ANP32A: variants seen among roughly 807,000 people sequenced by gnomAD.
ANP32A encodes acidic leucine-rich nuclear phosphoprotein 32 family member A.
In ANP32A, 1 loss-of-function variant was observed where a neutral mutation model predicts 33.9. That is an observed-to-expected ratio of 0.03 (90% CI 0.01 to 0.14). The LOEUF (loss-of-function observed/expected upper bound fraction) is 0.14, where lower values mean the gene tolerates loss of function less well. ANP32A is among the 10% of genes least tolerant of loss of function. ANP32A has a pLI of 1.00. For missense variants in ANP32A, 155 were observed against 306.0 expected, an observed-to-expected ratio of 0.51 and a Z score of 3.68; for synonymous variants, 115 against 120.5, an observed-to-expected ratio of 0.95 and a Z score of 0.30.
At position 68,778,687 on chromosome 15, in the gene ANP32A, G is replaced by GT. The variant is rs1893824066; in HGVS notation, c.*1393dup. On this transcript the variant is annotated 3_prime_UTR_variant, in exon 7 of 7. Transcript: ENST00000465139. Reference sequence around the variant, plus strand: ...GGGTACTTGTTTTTTTAGTAACTCTGTAACTTTTTTAAAGGAAGCTTTTAA... The same window carrying GT: ...GGGTACTTGTTTTTTTAGTAACTCTGTTAACTTTTTTAAAGGAAGCTTTTAA... 2 of 152,074 alleles carry GT rather than the reference G, an allele frequency of 1.3e-5. No homozygotes were observed. The highest frequency in any genetic ancestry group is 4.8e-5 in the African/African-American group (2 of 41,418). The allele number at this position is 152,074 out of a possible 1,614,324, so 9.4% of individuals were successfully genotyped here.
Position 68,782,946 on chromosome 15 carries a change from G to A in ANP32A, c.624+10C>T. On this transcript the variant is annotated intron_variant, in intron 5 of 6. Transcript: ENST00000465139. ...GCAGACGGTGGCCCTGCCCAGCCCA[G>A]CCTCCTTACCTCCTCCTCTCCACTC... is the stretch of plus-strand genomic sequence containing the variant. The A allele has an allele frequency of 2.6e-6, 4 of 1,551,592 alleles. No individual in the cohort carries two copies. The highest frequency in any genetic ancestry group is 2.4e-5 in the South Asian group (2 of 84,030).
intron 1 of ANP32A, among the ~76,000 whole-genome samples, chr15:68,810,375 C>T (rs1894295829): frequency 6.6e-6 from 1 of 152,094 alleles, no homozygotes; most frequent in South Asian, 2.1e-4. Context: ...TTTAAACAGA[C>T]AAGACTTGTG....
At chr15:68,799,164 A>T (rs1354035566) in intron 1 of ANP32A, among the ~76,000 whole-genome samples, 1 of 152,250 alleles carries the variant, frequency 6.6e-6, no homozygotes, top group Non-Finnish European at 1.5e-5. Flanking sequence ...AAATGCTAGC[A>T]GTATATGTTA....
chr15:68,803,798 CTTTTTTT>C (rs3985625), intron 1 of ANP32A, among the ~76,000 whole-genome samples: 2 of 101,156 alleles, frequency 2.0e-5, no homozygotes, highest in African/African-American at 3.8e-5. Flanking sequence ...ATTTCACAAA[CTTTTTTT>C]TTTTTTTTTT....
intron 1 of ANP32A, among the ~76,000 whole-genome samples, chr15:68,809,040 A>G (rs1403283756): frequency 6.6e-6 from 1 of 152,162 alleles, no homozygotes; most frequent in East Asian, 1.9e-4. Context: ...GGCTGATGGA[A>G]TCCTTATCGT....
chr15:68,820,597 C>A, intron 1 of ANP32A, 101 bp downstream of exon 1: 1 of 311,962 alleles, frequency 3.2e-6, no homozygotes, highest in Non-Finnish European at 5.5e-6. Flanking sequence ...ACCTCCCGGG[C>A]GCCCCCCCCC....
chr15:68,820,831 T>C lies in ANP32A; in HGVS notation c.-80A>G, dbSNP rs1894465499. On this transcript the variant is annotated 5_prime_UTR_variant, in exon 1 of 7. Coordinates refer to ENST00000465139, the MANE Select transcript of ANP32A (RefSeq NM_006305.4). ...ACCCCGAACCCACGGCCGCGCGTTTTAGGACTTTGAAGGCTCAACCAGCTC... is the reference window on the plus strand; with the variant it reads ...ACCCCGAACCCACGGCCGCGCGTTTCAGGACTTTGAAGGCTCAACCAGCTC... 2.5e-6 allele frequency: 4 copies of C among 1,570,840 alleles called. No homozygotes were observed. Among genetic ancestry groups the C allele is most frequent in the South Asian group, 2.2e-5 (2 of 89,668 alleles).
intron 2 of ANP32A, 35 bp downstream of exon 2, chr15:68,787,735 C>A: frequency 1.2e-6 from 2 of 1,605,848 alleles, no homozygotes; most frequent in South Asian, 1.1e-5. Context: ...TCCCCACCCC[C>A]GCCTCCCAGC....
In ANP32A at chr15:68,784,593, T is replaced by C. The variant is rs1299669396; in HGVS notation, c.330A>G (p.Lys110=). The C allele has an allele frequency of 3.7e-6, 6 of 1,614,116 alleles. No individual in the cohort carries two copies. The highest frequency in any genetic ancestry group is 5.1e-6 in the Non-Finnish European group (6 of 1,180,020). Residue 110 remains lysine (K), a splice_region_variant and synonymous_variant, in exon 4 of 7, where the codon AAA becomes AAG. Coordinates refer to ENST00000465139, the MANE Select transcript of ANP32A (RefSeq NM_006305.4). Reference sequence around the variant, plus strand: ...CTAAGCTCTTGAGGTTTTCTAACTTTTTCTGCAAGCGGAAAAATGAAGCCA... The same window carrying C: ...CTAAGCTCTTGAGGTTTTCTAACTTCTTCTGCAAGCGGAAAAATGAAGCCA... ...IKDLSTIEPL[K]KLENLKSLDL... is the part of the protein sequence containing the mutation.
At chr15:68,781,769 A>G (rs868219625) in intron 5 of ANP32A, among the ~76,000 whole-genome samples, 6 of 152,048 alleles carry the variant, frequency 3.9e-5, no homozygotes, top group Non-Finnish European at 8.8e-5. Context: ...ATGCCTGGCT[A>G]ATTTTTATAT....
In ANP32A at chr15:68,784,470, G is replaced by A. The variant is rs116525439; in HGVS notation, c.453C>T (p.Asp151=). ...CATCCGAGTCAGGGGCCTCCTTGTC[G>A]TCCCGGTCATAGCCGTCGAGATATG... ...QLTYLDGYDR[D]DKEAPDSDAE... Residue 151 remains aspartate (D), a synonymous_variant, in exon 4 of 7, where the codon GAC becomes GAT. Transcript: ENST00000465139. 6.8e-4 allele frequency: 1,094 copies of A among 1,613,926 alleles called. 12 individuals are homozygous for A. In the African/African-American group the frequency reaches 0.012, roughly 18 times the overall value.
chr15:68,788,003 A>C, intron 1 of ANP32A, 84 bp from the exon 2 acceptor site: 1 of 1,528,158 alleles, frequency 6.5e-7, no homozygotes, highest in Non-Finnish European at 9.0e-7. Context: ...CTCAGAGAAC[A>C]GGGAGACAGA....
Position 68,779,270 on chromosome 15 carries a change from ATCATTTTT to A in ANP32A, c.*803_*810del, listed in dbSNP as rs1893833462. On this transcript the variant is annotated 3_prime_UTR_variant, in exon 7 of 7. Transcript: ENST00000465139. ...GAAGTACATGTGGAAGAATTCTCTC[ATCATTTTT>A]TGTAAAACAAAGCGTTCTAATATTT... 2 of 152,148 alleles carry A rather than the reference ATCATTTTT, an allele frequency of 1.3e-5. No individual in the cohort carries two copies. Among genetic ancestry groups the A allele is most frequent in the African/African-American group, 4.8e-5 (2 of 41,436 alleles). 9.4% of individuals were successfully genotyped at this position (152,148 alleles called of 1,614,324 possible).
chr15:68,792,110 G>C (rs557351445), intron 1 of ANP32A: 4 of 151,730 alleles, frequency 2.6e-5, no homozygotes, highest in African/African-American at 7.3e-5. Context: ...TTCCACCCAG[G>C]GTGTGTTCTG....
chr15:68,783,118 C>A, intron 4 of ANP32A, 65 bp from the exon 5 acceptor site: 1 of 1,545,164 alleles, frequency 6.5e-7, no homozygotes, highest in African/African-American at 1.4e-5. Context: ...CCCCACACAG[C>A]ACAGGCCCCT....
At chr15:68,819,518 C>A (rs1894441253) in intron 1 of ANP32A, among the ~76,000 whole-genome samples, 1 of 152,378 alleles carries the variant, frequency 6.6e-6, no homozygotes, top group African/African-American at 2.4e-5. Flanking sequence ...CCTAGAGCTG[C>A]GTGTTTGCCA....
chr15:68,809,847 G>A (rs1442682474), intron 1 of ANP32A, among the ~76,000 whole-genome samples: 1 of 152,208 alleles, frequency 6.6e-6, no homozygotes, highest in African/African-American at 2.4e-5. Context: ...GCACAGTGTG[G>A]AGCTCTGAAG....
intron 1 of ANP32A, among the ~76,000 whole-genome samples, chr15:68,814,307 C>A (rs1273072935): frequency 1.3e-5 from 2 of 152,086 alleles, no homozygotes; most frequent in African/African-American, 4.8e-5. Flanking sequence ...CACCTGTAAT[C>A]CCAGCGCTTT....
intron 1 of ANP32A, among the ~76,000 whole-genome samples, chr15:68,802,482 C>T (rs56363468): frequency 0.3 from 46,003 of 152,080 alleles, 9,324 homozygotes; most frequent in Non-Finnish European, 0.45. Flanking sequence ...TAACCAGTCT[C>T]TTATTGATGA....
Sources: gnomAD v4.1 joint callset for allele counts (sites outside exome capture counted in the v4.1 genomes callset) on GRCh38, gnomAD v4.1.1 for gene constraint, MANE v1.5 for transcripts, NCBI Gene and HGNC (gene_info 2026-07-23, HGNC 2026-07-21) for gene names.